The following ASPRV1 variants were observed in gnomAD, a reference collection of about 807,000 sequenced individuals.
The protein encoded by ASPRV1 is retroviral-like aspartic protease 1.
A neutral mutation model predicts 11.0 loss-of-function variants in ASPRV1; 7 were observed. That is an observed-to-expected ratio of 0.64 (90% CI 0.36 to 1.20). The LOEUF (loss-of-function observed/expected upper bound fraction) is 1.20, where lower values mean the gene tolerates loss of function less well. ASPRV1 is among the 50% of genes most tolerant of loss of function. The pLI is 0.02. For missense variants in ASPRV1, 299 were observed against 320.0 expected (o/e 0.93, Z 0.50); for synonymous variants, 136 against 138.4 (o/e 0.98, Z 0.12).
the ASPRV1 span, among the ~76,000 whole-genome samples, chr2:70,023,599 G>T: frequency 6.6e-6 from 1 of 151,582 alleles, no homozygotes; most frequent in Non-Finnish European, 1.5e-5. Context: ...CTTGAACCCC[G>T]GGAGGCAGAG....
the ASPRV1 span, among the ~76,000 whole-genome samples, chr2:70,075,425 A>T: frequency 6.6e-6 from 1 of 151,840 alleles, no homozygotes; most frequent in African/African-American, 2.4e-5. Context: ...ACTACTTATT[A>T]ACTGTGCAAC....
chr2:70,055,730 T>C, the ASPRV1 span: 1 of 152,250 alleles, frequency 6.6e-6, no homozygotes, highest in African/African-American at 2.4e-5. Context: ...GTTCTGCACA[T>C]GTATCCAGTT....
At chr2:70,056,554 G>A in the ASPRV1 span, 1 of 121,356 alleles carries the variant, frequency 8.2e-6, no homozygotes, top group Non-Finnish European at 1.6e-5. Context: ...GCAGTGAGCC[G>A]AGATCGCGCC....
At chr2:70,042,696 G>A in the ASPRV1 span, among the ~76,000 whole-genome samples, 1 of 152,148 alleles carries the variant, frequency 6.6e-6, no homozygotes, top group Non-Finnish European at 1.5e-5. Flanking sequence ...CCTCGTGTAT[G>A]AGGCTGCAGG....
At chr2:70,079,566 T>C in the ASPRV1 span, among the ~76,000 whole-genome samples, 1 of 149,600 alleles carries the variant, frequency 6.7e-6, no homozygotes, top group Non-Finnish European at 1.5e-5. Flanking sequence ...CAATGGAGAG[T>C]GAGGAGATGA....
chr2:70,079,613 T>C, the ASPRV1 span, among the ~76,000 whole-genome samples: 1 of 151,960 alleles, frequency 6.6e-6, no homozygotes, highest in Non-Finnish European at 1.5e-5. Context: ...GAGGAACCAG[T>C]GAGGCAGGAA....
At chr2:70,065,630 G>A in the ASPRV1 span, among the ~76,000 whole-genome samples, 3 of 151,288 alleles carry the variant, frequency 2.0e-5, no homozygotes, top group African/African-American at 7.3e-5. Flanking sequence ...CAGTGGCACA[G>A]AGACCAGCTG....
chr2:70,051,179 G>A, the ASPRV1 span: 15 of 151,912 alleles, frequency 9.9e-5, no homozygotes, highest in East Asian at 1.9e-4. Flanking sequence ...TGAAACTGAG[G>A]GACAAAGAAG....
At chr2:69,955,136 G>T (rs563030076), downstream of ASPRV1, among the ~76,000 whole-genome samples, 2 of 152,242 alleles carry the variant, frequency 1.3e-5, no homozygotes, top group Non-Finnish European at 2.9e-5. Context: ...AGCAGTGACT[G>T]ATGGGCCTGG....
chr2:69,992,027 T>G, the ASPRV1 span, among the ~76,000 whole-genome samples: 2 of 152,150 alleles, frequency 1.3e-5, no homozygotes, highest in East Asian at 3.9e-4. Flanking sequence ...CTGTGGGGAA[T>G]GTGACCACCT....
upstream of ASPRV1, among the ~76,000 whole-genome samples, chr2:69,964,013 A>G (rs1678244899): frequency 6.6e-6 from 1 of 152,216 alleles, no homozygotes; most frequent in African/African-American, 2.4e-5. Flanking sequence ...ACTTGGTGGA[A>G]GTATTTACAT....
At chr2:70,075,243 G>C in the ASPRV1 span, 1 of 149,834 alleles carries the variant, frequency 6.7e-6, no homozygotes, top group Non-Finnish European at 1.5e-5. Flanking sequence ...CGAGTAGCTG[G>C]GACTACAGGC....
At chr2:70,038,398 C>A in the ASPRV1 span, among the ~76,000 whole-genome samples, 1 of 152,086 alleles carries the variant, frequency 6.6e-6, no homozygotes. Context: ...GGCAACATAC[C>A]AAGACCCTGT....
chr2:70,000,886 G>A, the ASPRV1 span, among the ~76,000 whole-genome samples: 574 of 151,522 alleles, frequency 3.8e-3, 3 homozygotes, highest in African/African-American at 0.013. Flanking sequence ...ATTACCAACG[G>A]CTGGCCTGTA....
At chr2:69,940,315 A>G in the ASPRV1 span, 18 of 152,138 alleles carry the variant, frequency 1.2e-4, no homozygotes, top group Non-Finnish European at 2.1e-4. Context: ...TTTGAAAAAG[A>G]TATGTCTGCA....
chr2:69,948,194 G>C, the ASPRV1 span, among the ~76,000 whole-genome samples: 1 of 152,200 alleles, frequency 6.6e-6, no homozygotes, highest in East Asian at 1.9e-4. Flanking sequence ...GCTGCAGTGA[G>C]TCACGATTGC....
chr2:69,967,709 G>A, the ASPRV1 span, among the ~76,000 whole-genome samples: 31 of 152,302 alleles, frequency 2.0e-4, 1 homozygote, highest in South Asian at 2.5e-3. Context: ...CAGATATTCT[G>A]TAAATATATC....
At chr2:70,060,595 C>CTGAGGG in the ASPRV1 span, among the ~76,000 whole-genome samples, 1 of 151,628 alleles carries the variant, frequency 6.6e-6, no homozygotes, top group Non-Finnish European at 1.5e-5. Context: ...GCTGGATCAC[C>CTGAGGG]TGAGGTCAGG....
the ASPRV1 span, among the ~76,000 whole-genome samples, chr2:70,027,315 T>C: frequency 7.0e-6 from 1 of 143,002 alleles, no homozygotes; most frequent in Admixed American, 7.0e-5. Context: ...TAAGTTAGTA[T>C]AGCCACTGTG....
Sources: allele counts gnomAD v4.1 joint callset (sites outside exome capture counted in the v4.1 genomes callset), GRCh38; gene constraint gnomAD v4.1.1; transcripts MANE v1.5; gene names NCBI Gene and HGNC (gene_info 2026-07-23, HGNC 2026-07-21).